FAT3: variants seen among roughly 807,000 people sequenced by gnomAD.
FAT3 encodes the protein protocadherin Fat 3.
FAT3 carries 95 observed loss-of-function variants against 310.2 expected under a neutral mutation model. That is an observed-to-expected ratio of 0.31 (90% CI 0.26 to 0.36). The LOEUF is 0.36. Among genes scored for constraint, FAT3 ranks in the 10% least tolerant of loss-of-function variants. The pLI, the probability that FAT3 is intolerant of heterozygous loss-of-function variation, is 1.00. For missense variants in FAT3, 5,408 were observed against 5,715.6 expected, an observed-to-expected ratio of 0.95 and a Z score of 1.74; for synonymous variants, 2,314 against 2,192.9, an observed-to-expected ratio of 1.06 and a Z score of -1.54.
Position 92,618,608 on chromosome 11 carries a change from C to T in FAT3, c.3608-78776C>T, listed in dbSNP as rs977449873. The stretch of plus-strand genomic sequence containing the variant: ...CTGTTCCTATTCGGCCATCTTGGAA[C>T]CCCCTCTGGAATGGCTCTTTAAATT... On this transcript the variant is annotated intron_variant, in intron 3 of 27. Coordinates refer to ENST00000525166, the MANE Select transcript of FAT3 (RefSeq NM_001367949.2). 6.6e-5 allele frequency among the ~76,000 whole-genome samples: 10 copies of T among 152,296 alleles called. No homozygotes were observed. In the South Asian group the frequency reaches 1.2e-3, roughly 19 times the overall value.
intron 2 of FAT3, among the ~76,000 whole-genome samples, chr11:92,516,686 A>G (rs1366875029): frequency 6.6e-6 from 1 of 152,170 alleles, no homozygotes; most frequent in Non-Finnish European, 1.5e-5. Flanking sequence ...ATAGGAAGAG[A>G]GGAAGTCAAA....
chr11:92,644,499 C>T (rs1200958078), intron 3 of FAT3, among the ~76,000 whole-genome samples: 1 of 152,162 alleles, frequency 6.6e-6, no homozygotes, highest in Non-Finnish European at 1.5e-5. Flanking sequence ...CCCCCGATAA[C>T]TCTGATCCTT....
intron 1 of FAT3, among the ~76,000 whole-genome samples, chr11:92,254,313 C>T (rs531246580): frequency 1.1e-4 from 17 of 152,184 alleles, no homozygotes; most frequent in African/African-American, 3.1e-4. Context: ...TGAGAAATCT[C>T]GCAGAAGGAG....
Position 92,840,662 on chromosome 11 carries a change from A to G in FAT3, c.10469A>G (p.Asn3490Ser), listed in dbSNP as rs1948515703. ...TTTTCATTCTCTATTTTGTCGGGAAATGAAGAGGAGGAGTTTGTGTTGGAC... is the reference window on the plus strand; with the variant it reads ...TTTTCATTCTCTATTTTGTCGGGAAGTGAAGAGGAGGAGTTTGTGTTGGAC... ...PPFSFSILSG[N>S]EEEEFVLDPH... Residue 3490 changes from asparagine (N) to serine (S), a missense_variant, in exon 18 of 28, where the codon AAT (asparagine) becomes AGT (serine). Asn to Ser is a conservative substitution (Grantham distance 46, BLOSUM62 1). Transcript: ENST00000525166. The G allele has an allele frequency of 2.5e-6, 4 of 1,613,114 alleles. No individual in the cohort carries two copies. Among genetic ancestry groups the G allele is most frequent in the Non-Finnish European group, 3.4e-6 (4 of 1,179,312 alleles).
intron 15 of FAT3, 66 bp from the exon 16 acceptor site, chr11:92,836,500 C>A: frequency 6.4e-7 from 1 of 1,572,466 alleles, no homozygotes; most frequent in Non-Finnish European, 8.6e-7. Flanking sequence ...AGACCTGGGA[C>A]CCTAAGAATC....
intron 4 of FAT3, among the ~76,000 whole-genome samples, chr11:92,753,056 T>C (rs1945871019): frequency 6.6e-6 from 1 of 152,214 alleles, no homozygotes; most frequent in Non-Finnish European, 1.5e-5. Context: ...TCCCAAATTA[T>C]TTGACCCTCC....
At chr11:92,627,188 C>T (rs1050969570) in intron 3 of FAT3, among the ~76,000 whole-genome samples, 8 of 151,912 alleles carry the variant, frequency 5.3e-5, no homozygotes, top group African/African-American at 1.7e-4. Flanking sequence ...GAATGTTCGT[C>T]GCTGATTAAT....
chr11:92,644,113 G>A (rs1396758601), intron 3 of FAT3, among the ~76,000 whole-genome samples: 1 of 152,212 alleles, frequency 6.6e-6, no homozygotes, highest in Non-Finnish European at 1.5e-5. Flanking sequence ...CAGGGCCGGG[G>A]GCCAAGGTGG....
At chr11:92,314,503 T>A (rs1272296559) in intron 1 of FAT3, among the ~76,000 whole-genome samples, 1 of 152,144 alleles carries the variant, frequency 6.6e-6, no homozygotes, top group Non-Finnish European at 1.5e-5. Context: ...ATTGTCTGCT[T>A]ATTGTGGGTC....
In FAT3 at chr11:92,800,149, T is replaced by C; in HGVS notation, c.7136T>C (p.Leu2379Pro). The change falls in exon 10 of 28, where the codon CTC (leucine) becomes CCC (proline). Residue 2379 changes from leucine to proline, a missense_variant. Physicochemically the swap from Leu to Pro is moderately conservative, Grantham distance 98. Transcript: ENST00000525166. ...SGFPSLSSEV[L>P]VHIYISDVND... ...TTCCCATCACTGAGCAGTGAGGTTC[T>C]CGTTCATATCTACATCTCTGATGTA... 6.2e-7 allele frequency: 1 copy of C among 1,613,994 alleles called. No homozygotes were observed. The highest frequency in any genetic ancestry group is 1.3e-5 in the African/African-American group (1 of 75,056).
At chr11:92,572,418 T>A (rs1938216569) in intron 3 of FAT3, among the ~76,000 whole-genome samples, 1 of 152,090 alleles carries the variant, frequency 6.6e-6, no homozygotes, top group African/African-American at 2.4e-5. Flanking sequence ...CTATGGATAG[T>A]TCGATATTTT....
intron 4 of FAT3, among the ~76,000 whole-genome samples, chr11:92,759,766 T>C (rs1295796864): frequency 6.6e-6 from 1 of 152,088 alleles, no homozygotes; most frequent in Admixed American, 6.5e-5. Context: ...AAGAAAAACA[T>C]TTTATAGCAG....
At chr11:92,797,490 G>A (rs747737422) in intron 9 of FAT3, among the ~76,000 whole-genome samples, 2 of 152,160 alleles carry the variant, frequency 1.3e-5, no homozygotes, top group Admixed American at 1.3e-4. Flanking sequence ...TCACAAGGCT[G>A]GAAATAAGGA....
At chr11:92,453,610 A>C (rs1764109080) in intron 2 of FAT3, among the ~76,000 whole-genome samples, 2 of 152,106 alleles carry the variant, frequency 1.3e-5, no homozygotes, top group African/African-American at 4.8e-5. Context: ...TAGCTCTGAG[A>C]AGTCCTTCAC....
At chr11:92,282,425 G>A (rs958359175) in intron 1 of FAT3, among the ~76,000 whole-genome samples, 33 of 152,086 alleles carry the variant, frequency 2.2e-4, no homozygotes, top group Non-Finnish European at 2.1e-4. Flanking sequence ...AGCACTTTGG[G>A]AGGCCGAGGC....
intron 6 of FAT3, among the ~76,000 whole-genome samples, chr11:92,767,180 T>C (rs1048222716): frequency 4.3e-5 from 6 of 140,502 alleles, no homozygotes; most frequent in African/African-American, 1.6e-4. Flanking sequence ...ACCCGGGAGG[T>C]GGAGGTTGCA....
At chr11:92,745,433 C>G (rs1945631066) in intron 4 of FAT3, among the ~76,000 whole-genome samples, 1 of 152,006 alleles carries the variant, frequency 6.6e-6, no homozygotes. Context: ...CACCATTGTA[C>G]TAAAGAAACT....
At chr11:92,294,068 A>G (rs1238041429) in intron 1 of FAT3, among the ~76,000 whole-genome samples, 1 of 152,004 alleles carries the variant, frequency 6.6e-6, no homozygotes, top group Non-Finnish European at 1.5e-5. Context: ...ATATTTTCTC[A>G]CAGTTCTGGA....
intron 8 of FAT3, among the ~76,000 whole-genome samples, chr11:92,791,819 T>C (rs1433357767): frequency 6.6e-6 from 1 of 152,206 alleles, no homozygotes; most frequent in Non-Finnish European, 1.5e-5. Flanking sequence ...AAATGATTAT[T>C]TTCAAACTTC....
Sources: gnomAD v4.1 joint callset for allele counts (sites outside exome capture counted in the v4.1 genomes callset) on GRCh38, gnomAD v4.1.1 for gene constraint, MANE v1.5 for transcripts, NCBI Gene and HGNC (gene_info 2026-07-23, HGNC 2026-07-21) for gene names.